The following PTPRG variants were observed in gnomAD, a reference collection of about 807,000 sequenced individuals.
The protein encoded by PTPRG is protein tyrosine phosphatase receptor type G.
Under a neutral mutation model 165.3 loss-of-function variants are expected in PTPRG, and 102 were observed. The ratio of observed to expected loss-of-function variants is 0.62; its 90% CI spans 0.53 to 0.73. PTPRG has a LOEUF of 0.73. Ranked by LOEUF, PTPRG falls within the 30% of genes least tolerant of loss-of-function variation. The probability of loss-of-function intolerance (pLI) is 0.00; values close to 1 mark genes in which losing one functional copy is unlikely to be tolerated. For missense variants in PTPRG, 1,866 were observed against 1,861.4 expected (o/e 1.00, Z -0.05); for synonymous variants, 675 against 669.5 (o/e 1.01, Z -0.13).
chr3:61,857,821 C>T (rs1311325603), intron 2 of PTPRG, among the ~76,000 whole-genome samples: 2 of 151,966 alleles, frequency 1.3e-5, no homozygotes, highest in African/African-American at 2.4e-5. Flanking sequence ...GAAGAAATGA[C>T]GTAAGGTGGG....
intron 5 of PTPRG, among the ~76,000 whole-genome samples, chr3:62,121,308 C>T (rs1416572139): frequency 2.0e-5 from 3 of 151,922 alleles, no homozygotes; most frequent in Non-Finnish European, 2.9e-5. Flanking sequence ...TAAATACTCA[C>T]GGATCTTGGA....
intron 4 of PTPRG, among the ~76,000 whole-genome samples, chr3:62,013,780 G>GTTT (rs574798457): frequency 6.8e-6 from 1 of 147,230 alleles, no homozygotes; most frequent in East Asian, 2.0e-4. Flanking sequence ...TGCTGTACAG[G>GTTT]TTTTTTTTTT....
chr3:62,131,400 A>C (rs763721607), intron 5 of PTPRG, among the ~76,000 whole-genome samples: 23 of 152,216 alleles, frequency 1.5e-4, no homozygotes, highest in Admixed American at 2.6e-4. Flanking sequence ...CAGAGAGGAC[A>C]CACTAGGAAC....
intron 2 of PTPRG, among the ~76,000 whole-genome samples, chr3:61,910,966 G>C (rs1426293015): frequency 6.6e-6 from 1 of 152,162 alleles, no homozygotes; most frequent in African/African-American, 2.4e-5. Flanking sequence ...GAAGACCTCT[G>C]CCTTATTCTT....
At chr3:61,773,067 C>T (rs890200495) in intron 2 of PTPRG, among the ~76,000 whole-genome samples, 2 of 152,154 alleles carry the variant, frequency 1.3e-5, no homozygotes, top group African/African-American at 2.4e-5. Context: ...TGTTGGTTTG[C>T]TGAACTTAAA....
intron 1 of PTPRG, among the ~76,000 whole-genome samples, chr3:61,679,419 A>AT (rs1055355471): frequency 4.6e-5 from 7 of 152,216 alleles, no homozygotes; most frequent in Non-Finnish European, 8.8e-5. Flanking sequence ...AGCCAGGCTT[A>AT]TAAGTCACGG....
Position 62,203,490 on chromosome 3 carries a change from T to C in PTPRG, c.1695T>C (p.Asp565=). The C allele has an allele frequency of 6.4e-7, 1 of 1,568,196 alleles. No homozygotes were observed. Among genetic ancestry groups the C allele is most frequent in the Non-Finnish European group, 8.7e-7 (1 of 1,155,790 alleles). Reference sequence around the variant, plus strand: ...AGGCCTTGGCTTCTCCAGGGCCCGATGGTGATTCGTCACCAACCAAGGACG... The same window carrying C: ...AGGCCTTGGCTTCTCCAGGGCCCGACGGTGATTCGTCACCAACCAAGGACG... ...TTEALASPGP[D]GDSSPTKDGE... Residue 565 remains aspartate, a synonymous_variant, in exon 12 of 30, where the codon GAT becomes GAC. Transcript: ENST00000474889. The surrounding 1 kb of genome is among the most constrained non-coding windows in gnomAD (Gnocchi z 6.4).
At chr3:62,280,606 T>C (rs1702397629) in intron 26 of PTPRG, among the ~76,000 whole-genome samples, 1 of 151,980 alleles carries the variant, frequency 6.6e-6, no homozygotes, top group Non-Finnish European at 1.5e-5. Context: ...CACACACTGT[T>C]GGTGGGAATG....
chr3:61,588,642 C>T (rs1447580904), intron 1 of PTPRG, among the ~76,000 whole-genome samples: 1 of 152,068 alleles, frequency 6.6e-6, no homozygotes, highest in Non-Finnish European at 1.5e-5. Flanking sequence ...GACAAGGTTT[C>T]ACCATGTTGT....
chr3:61,674,286 C>A (rs1703141396), intron 1 of PTPRG, among the ~76,000 whole-genome samples: 1 of 151,710 alleles, frequency 6.6e-6, no homozygotes, highest in Non-Finnish European at 1.5e-5. Context: ...GGATACTGAT[C>A]TCCAGCTCCC....
chr3:62,266,747 A>AAAT lies in PTPRG; in HGVS notation c.2657-660_2657-658dup, dbSNP rs202063055. 4.9e-3 allele frequency among the ~76,000 whole-genome samples: 740 copies of AAAT among 150,420 alleles called. 5 individuals carry two copies. The highest frequency in any genetic ancestry group is 0.018 in the African/African-American group (712 of 40,590). ...TGCCCATTCTGTTTCTACCTAGGGA[A>AAAT]AATAAAATTATAACCTCAGCTTCCT... On this transcript the variant is annotated intron_variant, in intron 17 of 29. Coordinates refer to ENST00000474889, the MANE Select transcript of PTPRG (RefSeq NM_002841.4).
chr3:62,089,433 A>G (rs1158479962), intron 5 of PTPRG, among the ~76,000 whole-genome samples: 5 of 152,222 alleles, frequency 3.3e-5, no homozygotes, highest in African/African-American at 4.8e-5. Context: ...TTTTTCAAGA[A>G]TGCAACTCCT....
rs79780497 is a variant in PTPRG, at chr3:61,844,671, T to C, written c.190+95689T>C. 2.8e-3 allele frequency among the ~76,000 whole-genome samples: 413 copies of C among 149,994 alleles called. 9 individuals are homozygous for C. Among genetic ancestry groups the C allele is most frequent in the East Asian group, 0.027 (137 of 5,136 alleles). ...CGCCACATCTGGCTTTTTTTTTTTTTCCCCCTGTTTGGTAGAGATGCGTAT... is the reference window on the plus strand; with the variant it reads ...CGCCACATCTGGCTTTTTTTTTTTTCCCCCCTGTTTGGTAGAGATGCGTAT... On this transcript the variant is annotated intron_variant, in intron 2 of 29. Transcript: ENST00000474889.
intron 17 of PTPRG, among the ~76,000 whole-genome samples, chr3:62,266,052 T>TA (rs1380989136): frequency 6.6e-6 from 1 of 152,158 alleles, no homozygotes; most frequent in Non-Finnish European, 1.5e-5. Flanking sequence ...TGCCCAAAGG[T>TA]CATGGTGTTT....
At chr3:62,106,240 A>G (rs1702468471) in intron 5 of PTPRG, among the ~76,000 whole-genome samples, 1 of 152,202 alleles carries the variant, frequency 6.6e-6, no homozygotes, top group South Asian at 2.1e-4. Flanking sequence ...TGGGGAGGGC[A>G]TCACCAATTC....
At chr3:61,929,395 C>A (rs183494675) in intron 2 of PTPRG, among the ~76,000 whole-genome samples, 2 of 152,078 alleles carry the variant, frequency 1.3e-5, no homozygotes, top group Non-Finnish European at 2.9e-5. Context: ...TAGTGGCATT[C>A]TCTTTTAATC....
At chr3:61,968,628 T>C (rs1294610399) in intron 2 of PTPRG, among the ~76,000 whole-genome samples, 1 of 152,206 alleles carries the variant, frequency 6.6e-6, no homozygotes, top group Non-Finnish European at 1.5e-5. Flanking sequence ...TATAGATCTA[T>C]TTGATATAGA....
chr3:61,663,361 A>G (rs1181853736), intron 1 of PTPRG, among the ~76,000 whole-genome samples: 1 of 152,126 alleles, frequency 6.6e-6, no homozygotes, highest in African/African-American at 2.4e-5. Flanking sequence ...TAATAAATGA[A>G]TATCATTGTA....
At chr3:61,821,920 G>A (rs2035969099) in intron 2 of PTPRG, among the ~76,000 whole-genome samples, 1 of 152,142 alleles carries the variant, frequency 6.6e-6, no homozygotes, top group Non-Finnish European at 1.5e-5. Context: ...ATGTGCACTG[G>A]GCAGGCTCTG....
Sources: gnomAD v4.1 joint callset for allele counts (sites outside exome capture counted in the v4.1 genomes callset) on GRCh38, gnomAD v4.1.1 for gene constraint, Gnocchi (gnomAD v3.1) non-coding constraint, MANE v1.5 for transcripts, NCBI Gene and HGNC (gene_info 2026-07-23, HGNC 2026-07-21) for gene names.